The following HPSE2 variants were observed in gnomAD, a reference collection of about 807,000 sequenced individuals.
HPSE2 encodes heparanase 2 (inactive), also known as inactive heparanase-2.
HPSE2 carries 38 observed loss-of-function variants against 60.5 expected under a neutral mutation model. The observed-to-expected ratio is 0.63, with a 90% confidence interval of 0.48 to 0.82. The LOEUF (loss-of-function observed/expected upper bound fraction) is 0.82, where lower values mean the gene tolerates loss of function less well. Among genes scored for constraint, HPSE2 ranks in the 40% least tolerant of loss-of-function variants. The pLI is 0.00. For synonymous variants in HPSE2, 295 were observed against 293.2 expected (o/e 1.01, Z -0.06); for missense variants, 713 against 740.4 (o/e 0.96, Z 0.43).
chr10:98,721,822 T>C lies in HPSE2; in HGVS notation c.791A>G (p.Asn264Ser), dbSNP rs1449208195. The C allele has an allele frequency of 1.9e-6, 3 of 1,613,480 alleles. No homozygotes were observed. The highest frequency in any genetic ancestry group is 1.7e-6 in the Non-Finnish European group (2 of 1,179,700). Reference sequence around the variant, plus strand: ...CCGGCCATGCATGGTCCGATAGTTATTTGGCTCTAGATTAAAAGCAGACAT... The same window carrying C: ...CCGGCCATGCATGGTCCGATAGTTACTTGGCTCTAGATTAAAAGCAGACAT... The part of the protein sequence containing the change: ...NISWELGNEP[N>S]NYRTMHGRAV... The change falls in exon 5 of 12, where the codon AAT becomes AGT. Residue 264 changes from asparagine to serine, a missense_variant. By Grantham distance (46) the Asn-to-Ser change is conservative. Coordinates refer to ENST00000370552, the MANE Select transcript of HPSE2 (RefSeq NM_021828.5).
In HPSE2 at chr10:99,047,776, A is replaced by C. The variant is rs949105680; in HGVS notation, c.610+96462T>G. ...CCCAAAGGATGCTTCAAAAGGCAAG[A>C]AGGAAGCTTATCTACAAAAAAGCAA... On this transcript the variant is annotated intron_variant, in intron 3 of 11. Transcript: ENST00000370552. 7.2e-6 allele frequency: 6 copies of C among 834,552 alleles called. No individual in the cohort carries two copies. The African/African-American group carries it at 9.9e-5, about 14-fold the overall frequency. 51.7% of individuals were successfully genotyped at this position (834,552 alleles called of 1,614,324 possible).
intron 5 of HPSE2, among the ~76,000 whole-genome samples, chr10:98,696,180 A>G (rs1434006676): frequency 2.6e-5 from 4 of 151,982 alleles, no homozygotes; most frequent in Non-Finnish European, 4.4e-5. Flanking sequence ...ACAAATGTTT[A>G]CATGGAATTT....
At chr10:99,139,412 C>G (rs1228149018) in intron 3 of HPSE2, among the ~76,000 whole-genome samples, 1 of 151,996 alleles carries the variant, frequency 6.6e-6, no homozygotes, top group Non-Finnish European at 1.5e-5. Flanking sequence ...CCAAAAACCA[C>G]TTGTACCCCT....
chr10:99,272,499 T>A, the HPSE2 span, among the ~76,000 whole-genome samples: 2 of 150,694 alleles, frequency 1.3e-5, no homozygotes, highest in African/African-American at 4.9e-5. Context: ...GCCCACAGAG[T>A]GGGAGAAAAT....
intron 3 of HPSE2, among the ~76,000 whole-genome samples, chr10:99,036,369 G>A (rs898619392): frequency 2.6e-5 from 4 of 152,104 alleles, no homozygotes; most frequent in African/African-American, 9.7e-5. Context: ...AAGACAGGTG[G>A]TGCTCAAAAC....
chr10:99,045,830 A>C lies in HPSE2; in HGVS notation c.610+98408T>G, dbSNP rs754362093. On this transcript the variant is annotated intron_variant, in intron 3 of 11. Transcript: ENST00000370552. The stretch of plus-strand genomic sequence containing the variant: ...TGGACCAATATCAAACTCTGAAATT[A>C]AATCAGTAATTTAAAAAACCTACCA... Among the ~76,000 whole-genome samples, 4 of 152,074 alleles carry C rather than the reference A, an allele frequency of 2.6e-5. No individual in the cohort carries two copies. The East Asian group carries it at 7.7e-4, about 29-fold the overall frequency.
At chr10:98,862,074 C>A (rs1952471145) in intron 3 of HPSE2, among the ~76,000 whole-genome samples, 1 of 152,178 alleles carries the variant, frequency 6.6e-6, no homozygotes, top group Non-Finnish European at 1.5e-5. Flanking sequence ...AGAAATCATT[C>A]TGTTTTAATC....
intron 3 of HPSE2, among the ~76,000 whole-genome samples, chr10:99,085,605 T>C (rs1488884496): frequency 2.0e-5 from 3 of 152,176 alleles, no homozygotes; most frequent in Admixed American, 2.0e-4. Flanking sequence ...TAAGGAATCA[T>C]ATTTATTAAA....
intron 2 of HPSE2, among the ~76,000 whole-genome samples, chr10:99,191,054 AAAG>A (rs1223122550): frequency 2.6e-5 from 4 of 151,990 alleles, no homozygotes; most frequent in Non-Finnish European, 5.9e-5. Flanking sequence ...AAGAAAGGGG[AAAG>A]AAGAAGGGGA....
At chr10:98,688,302 A>G (rs1271512691) in intron 6 of HPSE2, among the ~76,000 whole-genome samples, 1 of 151,934 alleles carries the variant, frequency 6.6e-6, no homozygotes, top group Non-Finnish European at 1.5e-5. Context: ...AATACAATTT[A>G]TATTTTTGCA....
chr10:98,492,218 A>G (rs1941670404), intron 9 of HPSE2, among the ~76,000 whole-genome samples: 1 of 152,188 alleles, frequency 6.6e-6, no homozygotes, highest in Non-Finnish European at 1.5e-5. Flanking sequence ...GAAAAAAGAG[A>G]TATTATGTTT....
At chr10:99,131,245 G>A (rs1845373315) in intron 3 of HPSE2, among the ~76,000 whole-genome samples, 1 of 151,916 alleles carries the variant, frequency 6.6e-6, no homozygotes. Flanking sequence ...TACTGAACAG[G>A]GAAAACACAA....
chr10:98,898,738 C>A (rs1377407356), intron 3 of HPSE2, among the ~76,000 whole-genome samples: 1 of 152,106 alleles, frequency 6.6e-6, no homozygotes, highest in African/African-American at 2.4e-5. Flanking sequence ...TTTAGGAGAT[C>A]AGAGGATTCC....
At chr10:98,517,928 T>C (rs1591302875) in intron 9 of HPSE2, among the ~76,000 whole-genome samples, 1 of 152,212 alleles carries the variant, frequency 6.6e-6, no homozygotes, top group East Asian at 1.9e-4. Flanking sequence ...TTACAACCAG[T>C]TCCTGCTTAT....
intron 9 of HPSE2, among the ~76,000 whole-genome samples, chr10:98,554,200 T>C (rs190045299): frequency 2.0e-5 from 3 of 152,246 alleles, no homozygotes; most frequent in Admixed American, 1.3e-4. Context: ...CACTGTCTCC[T>C]CTCCATAGGC....
chr10:98,846,868 G>T (rs75828096), intron 3 of HPSE2, among the ~76,000 whole-genome samples: 1 of 152,112 alleles, frequency 6.6e-6, no homozygotes, highest in Non-Finnish European at 1.5e-5. Context: ...CACTGTGCCC[G>T]GCTCTGACAC....
intron 3 of HPSE2, among the ~76,000 whole-genome samples, chr10:98,889,037 G>A (rs1953254604): frequency 6.6e-6 from 1 of 151,956 alleles, no homozygotes; most frequent in East Asian, 1.9e-4. Context: ...TAAAAAATTA[G>A]AAGTCTCACC....
chr10:98,511,414 T>G (rs913737204), intron 9 of HPSE2, among the ~76,000 whole-genome samples: 7 of 152,208 alleles, frequency 4.6e-5, no homozygotes, highest in African/African-American at 1.4e-4. Context: ...CCTCCCAAAG[T>G]GCGGGGATTA....
intron 3 of HPSE2, among the ~76,000 whole-genome samples, chr10:98,860,922 A>G (rs1211749887): frequency 6.6e-6 from 1 of 152,208 alleles, no homozygotes; most frequent in Non-Finnish European, 1.5e-5. Flanking sequence ...AGGCACATAC[A>G]TAAACAAAAT....
Sources: gnomAD v4.1 joint callset for allele counts (sites outside exome capture counted in the v4.1 genomes callset) on GRCh38, gnomAD v4.1.1 for gene constraint, MANE v1.5 for transcripts, NCBI Gene and HGNC (gene_info 2026-07-23, HGNC 2026-07-21) for gene names.